Variants in ARID4B observed in about 807,000 individuals in gnomAD.
ARID4B encodes AT-rich interactive domain-containing protein 4B.
ARID4B carries 26 observed loss-of-function variants against 147.5 expected under a neutral mutation model. The ratio of observed to expected loss-of-function variants is 0.18; its 90% CI spans 0.13 to 0.24. The LOEUF is 0.24. Ranked by LOEUF, ARID4B falls within the 10% of genes least tolerant of loss-of-function variation. The pLI is 1.00. For synonymous variants in ARID4B, 512 were observed against 507.9 expected, an observed-to-expected ratio of 1.01 and a Z score of -0.11; for missense variants, 1,179 against 1,511.5, an observed-to-expected ratio of 0.78 and a Z score of 3.65.
At chr1:235,215,174 TG>T (rs974601884) in intron 16 of ARID4B, among the ~76,000 whole-genome samples, 11 of 152,148 alleles carry the variant, frequency 7.2e-5, no homozygotes, top group Non-Finnish European at 1.6e-4. Context: ...CTTAGTACCA[TG>T]TACTTTCTAA....
At chr1:235,300,205 C>G (rs1054572302) in intron 2 of ARID4B, among the ~76,000 whole-genome samples, 1 of 152,174 alleles carries the variant, frequency 6.6e-6, no homozygotes, top group Non-Finnish European at 1.5e-5. Context: ...CGCTTGAGGT[C>G]AGGAGTCCGA....
intron 6 of ARID4B, among the ~76,000 whole-genome samples, chr1:235,251,639 ATAAG>A (rs1016670693): frequency 2.0e-5 from 3 of 151,756 alleles, no homozygotes; most frequent in Non-Finnish European, 2.9e-5. Flanking sequence ...ACACTACTAA[ATAAG>A]TAATATTAAA....
At chr1:235,319,358 A>T in intron 2 of ARID4B, among the ~76,000 whole-genome samples, 1 of 152,182 alleles carries the variant, frequency 6.6e-6, no homozygotes, top group African/African-American at 2.4e-5. Context: ...CAGAAAATTT[A>T]AAAGTTAGCT....
rs913732077 is a variant in ARID4B, at chr1:235,167,592, T to C, written c.*933A>G. 4.1e-5 allele frequency: 9 copies of C among 217,548 alleles called. No homozygotes were observed. Among genetic ancestry groups the C allele is most frequent in the Non-Finnish European group, 8.3e-5 (9 of 108,006 alleles). 13.5% of individuals were successfully genotyped at this position (217,548 alleles called of 1,614,324 possible). A position where few individuals can be genotyped will look rare whatever the true frequency, so the allele number is the denominator to read the frequency against. The stretch of plus-strand genomic sequence containing the variant: ...AACAATCTTGAACCATACTAATACA[T>C]TACTTGTTCCTGAAGTCCTTTTGTT... On this transcript the variant is annotated 3_prime_UTR_variant, in exon 24 of 24. Transcript: ENST00000264183.
intron 2 of ARID4B, among the ~76,000 whole-genome samples, chr1:235,323,433 A>G (rs1032828602): frequency 6.6e-6 from 1 of 152,180 alleles, no homozygotes; most frequent in Non-Finnish European, 1.5e-5. Flanking sequence ...GCTACGTAAT[A>G]AAAGACGTTA....
intron 11 of ARID4B, among the ~76,000 whole-genome samples, chr1:235,227,450 A>G (rs1431927821): frequency 6.6e-6 from 1 of 152,210 alleles, no homozygotes; most frequent in Non-Finnish European, 1.5e-5. Flanking sequence ...ACCCTAAAAT[A>G]TAACCTCCAA....
At chr1:235,224,885 CT>C in intron 11 of ARID4B, 110 bp from the exon 12 acceptor site, 1 of 707,440 alleles carries the variant, frequency 1.4e-6, no homozygotes, top group Non-Finnish European at 2.4e-6. Flanking sequence ...ACTTCAAAGG[CT>C]TTTTACGTAA....
At chr1:235,184,613 G>A (rs1261778097) in intron 19 of ARID4B, among the ~76,000 whole-genome samples, 1 of 152,100 alleles carries the variant, frequency 6.6e-6, no homozygotes, top group East Asian at 1.9e-4. Context: ...AACTAAGATT[G>A]TGAAACCATT....
intron 13 of ARID4B, among the ~76,000 whole-genome samples, chr1:235,222,949 T>A (rs956783468): frequency 6.6e-6 from 1 of 152,008 alleles, no homozygotes; most frequent in African/African-American, 2.4e-5. Flanking sequence ...TCCCAAAGTG[T>A]TGGGGTTGCA....
chr1:235,214,998 C>T (rs544885691), intron 16 of ARID4B, among the ~76,000 whole-genome samples: 105 of 152,014 alleles, frequency 6.9e-4, no homozygotes, highest in African/African-American at 2.3e-3. Context: ...CCCACCACCA[C>T]ACCCAGCTAA....
intron 2 of ARID4B, among the ~76,000 whole-genome samples, chr1:235,316,426 T>C (rs1387296634): frequency 2.0e-5 from 3 of 152,060 alleles, no homozygotes; most frequent in Non-Finnish European, 4.4e-5. Context: ...GGAGAATCAC[T>C]TGAACCCAGG....
At chr1:235,308,661 G>A (rs1673766781) in intron 2 of ARID4B, among the ~76,000 whole-genome samples, 2 of 152,146 alleles carry the variant, frequency 1.3e-5, no homozygotes, top group East Asian at 1.9e-4. Flanking sequence ...TTTTTTGGTG[G>A]AGACGGGGCT....
chr1:235,225,601 C>T (rs1667775508), intron 11 of ARID4B, among the ~76,000 whole-genome samples: 1 of 152,210 alleles, frequency 6.6e-6, no homozygotes, highest in Non-Finnish European at 1.5e-5. Flanking sequence ...ATGGAGCCTA[C>T]TGTTACAGAA....
At chr1:235,193,926 T>C (rs1364803904) in intron 19 of ARID4B, 87 bp downstream of exon 19, 8 of 971,956 alleles carry the variant, frequency 8.2e-6, no homozygotes, top group Non-Finnish European at 1.2e-5. Context: ...AAAACAGTAG[T>C]TGGTAATGTC....
At chr1:235,300,431 AAG>A (rs949050429) in intron 2 of ARID4B, among the ~76,000 whole-genome samples, 13 of 151,794 alleles carry the variant, frequency 8.6e-5, no homozygotes, top group African/African-American at 3.1e-4. Flanking sequence ...AAAAAAAAAA[AAG>A]AAAAACAGAC....
chr1:235,264,970 G>A (rs1402461995), intron 2 of ARID4B, among the ~76,000 whole-genome samples: 2 of 150,934 alleles, frequency 1.3e-5, no homozygotes, highest in Admixed American at 6.6e-5. Context: ...TGAGGCAGAA[G>A]AATCGCTTGA....
intron 14 of ARID4B, 147 bp from the exon 15 acceptor site, chr1:235,220,692 C>A (rs1667403289): frequency 2.8e-6 from 2 of 708,388 alleles, no homozygotes; most frequent in Non-Finnish European, 4.1e-6. Context: ...TCTTTCTAAT[C>A]TTTTCAATGC....
Position 235,267,907 on chromosome 1 carries a change from AAAAAG to A in ARID4B, c.7-7160_7-7156del, listed in dbSNP as rs556485246. On this transcript the variant is annotated intron_variant, in intron 2 of 23. Coordinates refer to ENST00000264183, the MANE Select transcript of ARID4B (RefSeq NM_016374.6). ...TGACGTGAGACTACGTCTCAAAAAA[AAAAAG>A]AAAAGAAAAGAAAAGAAAACCATGC... Among the ~76,000 whole-genome samples, 85 of 152,290 alleles carry A rather than the reference AAAAAG, an allele frequency of 5.6e-4. 3 individuals carry two copies. Among genetic ancestry groups the A allele is most frequent in the South Asian group, 4.1e-4 (2 of 4,830 alleles).
chr1:235,221,096 C>T (rs1667439534), intron 14 of ARID4B, among the ~76,000 whole-genome samples: 1 of 152,176 alleles, frequency 6.6e-6, no homozygotes, highest in South Asian at 2.1e-4. Context: ...CAAGGTTTCG[C>T]CATGCTGGCC....
Sources: gnomAD v4.1 joint callset for allele counts (sites outside exome capture counted in the v4.1 genomes callset) on GRCh38, gnomAD v4.1.1 for gene constraint, MANE v1.5 for transcripts, NCBI Gene and HGNC (gene_info 2026-07-23, HGNC 2026-07-21) for gene names.